FRMPD2: variants seen among roughly 807,000 people sequenced by gnomAD.
The protein encoded by FRMPD2 is FERM and PDZ domain-containing protein 2.
In FRMPD2, 96 loss-of-function variants were observed where a neutral mutation model predicts 140.1. That is an observed-to-expected ratio of 0.69 (90% CI 0.58 to 0.81). The LOEUF is 0.81. Among genes scored for constraint, FRMPD2 ranks in the 40% least tolerant of loss-of-function variants. The pLI is 0.00. For missense variants in FRMPD2, 1,240 were observed against 1,447.4 expected (o/e 0.86, Z 2.32); for synonymous variants, 449 against 547.6 (o/e 0.82, Z 2.52).
intron 15 of FRMPD2, among the ~76,000 whole-genome samples, chr10:48,194,735 G>T (rs192843355): frequency 9.2e-5 from 14 of 152,080 alleles, no homozygotes; most frequent in African/African-American, 3.4e-4. Flanking sequence ...TGAGACCCTG[G>T]GTGTCAAGCA....
chr10:48,261,880 G>A (rs78222726), intron 1 of FRMPD2, among the ~76,000 whole-genome samples: 7,254 of 152,172 alleles, frequency 0.048, 547 homozygotes, highest in African/African-American at 0.16. Context: ...TACTACACAT[G>A]AGCTATTTGA....
At chr10:48,194,044 T>A (rs1300110098) in intron 15 of FRMPD2, among the ~76,000 whole-genome samples, 1 of 152,232 alleles carries the variant, frequency 6.6e-6, no homozygotes, top group East Asian at 1.9e-4. Context: ...ACAAATTGCA[T>A]AGTATCTTAC....
At position 48,244,794 on chromosome 10, in the gene FRMPD2, G is replaced by T. The variant is rs181992804; in HGVS notation, c.365C>A (p.Pro122Gln). The T allele has an allele frequency of 1.2e-6, 2 of 1,612,830 alleles. No individual in the cohort carries two copies. The highest frequency in any genetic ancestry group is 1.1e-5 in the South Asian group (1 of 91,046). Residue 122 changes from proline to glutamine, a missense_variant, in exon 4 of 29, where the codon CCG (proline) becomes CAG (glutamine). Around this residue, in one of 6 missense-constraint regions of FRMPD2, gnomAD observed 1,161 missense variants for 1,055.9 expected, o/e 1.10. Coordinates refer to ENST00000374201, the MANE Select transcript of FRMPD2 (RefSeq NM_001018071.4). The stretch of plus-strand genomic sequence containing the variant: ...ATCTTGTTTACAAACCTGATGTGGC[G>T]GAACATGAAACCCTGCTGACCAGTA... ...TLYWSAGFHV[P>Q]PHQPLQLCEP... is the part of the protein sequence containing the mutation.
chr10:48,246,678 T>G (rs1840257731), intron 3 of FRMPD2, among the ~76,000 whole-genome samples: 1 of 152,208 alleles, frequency 6.6e-6, no homozygotes, highest in African/African-American at 2.4e-5. Flanking sequence ...GAGAGGGGTC[T>G]GGGTACACCC....
chr10:48,263,414 T>C (rs1298652352), intron 1 of FRMPD2, among the ~76,000 whole-genome samples: 3 of 150,862 alleles, frequency 2.0e-5, no homozygotes, highest in Non-Finnish European at 4.4e-5. Flanking sequence ...GATAAACCCA[T>C]AGCCAAGTAA....
At chr10:48,189,339 A>C (rs751129407) in intron 16 of FRMPD2, among the ~76,000 whole-genome samples, 2 of 152,242 alleles carry the variant, frequency 1.3e-5, no homozygotes, top group Non-Finnish European at 2.9e-5. Flanking sequence ...GAAAGGCTTC[A>C]GAAAAGCAGT....
chr10:48,217,323 C>T (rs1464728137), intron 12 of FRMPD2, among the ~76,000 whole-genome samples: 1 of 152,108 alleles, frequency 6.6e-6, no homozygotes, highest in Non-Finnish European at 1.5e-5. Context: ...ATGCTAATGA[C>T]CAATAAAATG....
chr10:48,200,186 AAATAAATAAAT>A (rs1839050474), intron 15 of FRMPD2, among the ~76,000 whole-genome samples: 1 of 147,374 alleles, frequency 6.8e-6, no homozygotes, highest in African/African-American at 2.5e-5. Flanking sequence ...ATAAATAAAT[AAATAAATAAAT>A]AAAACAGAGC....
At chr10:48,225,313 C>T (rs1839697842) in intron 10 of FRMPD2, among the ~76,000 whole-genome samples, 1 of 152,272 alleles carries the variant, frequency 6.6e-6, no homozygotes, top group Non-Finnish European at 1.5e-5. Flanking sequence ...CATGCATATG[C>T]CTATACCGAA....
rs564302101 is a variant in FRMPD2 at position 48,190,211 on chromosome 10, G to A, written c.2165+2473C>T. 2.0e-5 allele frequency among the ~76,000 whole-genome samples: 3 copies of A among 152,312 alleles called. No homozygotes were observed. In the South Asian group the frequency reaches 6.2e-4, roughly 32 times the overall value. ...AGTGGTGGGGGGCAGTTCCATGAGAGCTCAGGCTCAGCTGAGCTGACAGCA... is the reference window on the plus strand; with the variant it reads ...AGTGGTGGGGGGCAGTTCCATGAGAACTCAGGCTCAGCTGAGCTGACAGCA... On this transcript the variant is annotated intron_variant, in intron 16 of 28. Coordinates refer to ENST00000374201, the MANE Select transcript of FRMPD2 (RefSeq NM_001018071.4).
Position 48,158,428 on chromosome 10 carries a change from C to A in FRMPD2, c.3882-1058G>T, listed in dbSNP as rs187512752. The stretch of plus-strand genomic sequence containing the variant: ...CTGTATGCCTATTTCACGGAAAGGG[C>A]AAGACTTGGAAATTTGGAGAATTTC... On this transcript the variant is annotated intron_variant, in intron 28 of 28. Transcript: ENST00000374201. Among the ~76,000 whole-genome samples the A allele has an allele frequency of 2.0e-3, 303 of 151,300 alleles. 12 individuals carry two copies. The highest frequency in any genetic ancestry group is 7.0e-3 in the African/African-American group (286 of 41,058).
chr10:48,162,002 C>A (rs1490072102), intron 28 of FRMPD2, among the ~76,000 whole-genome samples: 2 of 150,388 alleles, frequency 1.3e-5, no homozygotes, highest in African/African-American at 5.0e-5. Context: ...GGCAGCAAAA[C>A]CTTTCAATAT....
At chr10:48,248,935 G>T in intron 3 of FRMPD2, 86 bp downstream of exon 3, 1 of 1,262,130 alleles carries the variant, frequency 7.9e-7, no homozygotes, top group Non-Finnish European at 1.1e-6. Flanking sequence ...CTGCAAGGCT[G>T]AGCTGGGAGC....
At chr10:48,256,314 C>A (rs1042150832) in intron 1 of FRMPD2, among the ~76,000 whole-genome samples, 2 of 152,058 alleles carry the variant, frequency 1.3e-5, no homozygotes, top group Non-Finnish European at 2.9e-5. Flanking sequence ...CTCACCCGGG[C>A]GGCACACCGT....
chr10:48,198,216 C>T (rs1414016405), intron 15 of FRMPD2, among the ~76,000 whole-genome samples: 2 of 152,136 alleles, frequency 1.3e-5, no homozygotes, highest in Non-Finnish European at 1.5e-5. Flanking sequence ...AGAAAACAGT[C>T]GTGCCTGCAT....
chr10:48,205,037 G>A (rs1299136286), intron 14 of FRMPD2, among the ~76,000 whole-genome samples: 2 of 152,126 alleles, frequency 1.3e-5, no homozygotes, highest in Non-Finnish European at 2.9e-5. Context: ...GTATTAAAAA[G>A]CAAAATTGAA....
chr10:48,239,506 A>C (rs982123998), intron 7 of FRMPD2, 99 bp downstream of exon 7: 2 of 780,250 alleles, frequency 2.6e-6, no homozygotes, highest in Admixed American at 5.1e-5. Flanking sequence ...GAGGAGCAAG[A>C]GGCTTCTTAC....
At chr10:48,235,442 C>T (rs971182166) in intron 9 of FRMPD2, among the ~76,000 whole-genome samples, 2 of 152,196 alleles carry the variant, frequency 1.3e-5, no homozygotes, top group Non-Finnish European at 2.9e-5. Flanking sequence ...GAAATGATGT[C>T]AGTGCACTGC....
At chr10:48,268,293 G>C (rs1564445027) in intron 1 of FRMPD2, among the ~76,000 whole-genome samples, 1 of 152,132 alleles carries the variant, frequency 6.6e-6, no homozygotes, top group South Asian at 2.1e-4. Flanking sequence ...GAATGTAAGT[G>C]GTACAGCCAC....
Sources: allele counts gnomAD v4.1 joint callset (sites outside exome capture counted in the v4.1 genomes callset), GRCh38; gene constraint gnomAD v4.1.1; regional missense constraint gnomAD v4.1.1; transcripts MANE v1.5; gene names NCBI Gene and HGNC (gene_info 2026-07-23, HGNC 2026-07-21).